Variants in LARGE1 observed in about 807,000 individuals in gnomAD.
The protein encoded by LARGE1 is LARGE xylosyl- and glucuronyltransferase 1, also known as xylosyl- and glucuronyltransferase LARGE1.
In LARGE1, 43 loss-of-function variants were observed where a neutral mutation model predicts 87.6. The observed-to-expected ratio is 0.49, with a 90% CI of 0.38 to 0.63. LARGE1 has a LOEUF of 0.63. Among genes scored for constraint, LARGE1 ranks in the 30% least tolerant of loss-of-function variants. LARGE1 has a pLI of 0.00. For missense variants in LARGE1, 802 were observed against 1,000.2 expected (o/e 0.80, Z 2.67); for synonymous variants, 434 against 394.6 (o/e 1.10, Z -1.18).
At chr22:33,802,030 C>A in intron 1 of LARGE1, among the ~76,000 whole-genome samples, 1 of 132,886 alleles carries the variant, frequency 7.5e-6, no homozygotes, top group Non-Finnish European at 1.7e-5. Context: ...ATAACTAACT[C>A]TGGAGAAAAA....
At chr22:33,615,680 A>T (rs1326238034) in intron 4 of LARGE1, among the ~76,000 whole-genome samples, 2 of 152,046 alleles carry the variant, frequency 1.3e-5, no homozygotes, top group African/African-American at 4.8e-5. Context: ...ACAAAAAAAA[A>T]AAAAAAAGGA....
chr22:33,346,280 C>G (rs1387864258), intron 9 of LARGE1, among the ~76,000 whole-genome samples: 2 of 96,880 alleles, frequency 2.1e-5, no homozygotes, highest in Non-Finnish European at 5.1e-5. Context: ...TCTTTCTTTC[C>G]TCCTCCTCCT....
At chr22:33,639,655 A>G (rs1277217657) in intron 3 of LARGE1, among the ~76,000 whole-genome samples, 2 of 152,246 alleles carry the variant, frequency 1.3e-5, no homozygotes, top group Non-Finnish European at 2.9e-5. Flanking sequence ...TCTCCTGTTC[A>G]GGAATTCTGA....
chr22:33,844,101 G>GA (rs1224697396), intron 1 of LARGE1, among the ~76,000 whole-genome samples: 2 of 147,174 alleles, frequency 1.4e-5, no homozygotes, highest in Non-Finnish European at 3.0e-5. Context: ...AAAAAGACAA[G>GA]AAAAAACCTC....
intron 11 of LARGE1, among the ~76,000 whole-genome samples, chr22:33,314,201 G>A (rs992793654): frequency 6.6e-6 from 1 of 152,100 alleles, no homozygotes; most frequent in African/African-American, 2.4e-5. Flanking sequence ...GTCCCATGCT[G>A]TCTTTACCTG....
intron 6 of LARGE1, among the ~76,000 whole-genome samples, chr22:33,452,357 G>A (rs2147929486): frequency 6.6e-6 from 1 of 152,308 alleles, no homozygotes; most frequent in East Asian, 1.9e-4. Context: ...CAGCTGAGGT[G>A]ACATTTGAGG....
At chr22:33,517,341 T>C (rs1445130075) in intron 6 of LARGE1, among the ~76,000 whole-genome samples, 1 of 152,058 alleles carries the variant, frequency 6.6e-6, no homozygotes, top group African/African-American at 2.4e-5. Flanking sequence ...AGGAAAGTTG[T>C]CCAATAAAAA....
chr22:33,771,498 C>T (rs77295117), intron 1 of LARGE1, among the ~76,000 whole-genome samples: 1 of 152,220 alleles, frequency 6.6e-6, no homozygotes, highest in Admixed American at 6.5e-5. Flanking sequence ...CTCTGAGATA[C>T]TTATTTCATA....
At chr22:33,564,764 A>C (rs1291171221) in intron 6 of LARGE1, 84 bp downstream of exon 6, 3 of 1,416,366 alleles carry the variant, frequency 2.1e-6, no homozygotes, top group Non-Finnish European at 3.0e-6. Flanking sequence ...AGGAGACCTC[A>C]CCTTTTTAAA....
At chr22:33,567,146 G>C (rs2078052028) in intron 5 of LARGE1, among the ~76,000 whole-genome samples, 2 of 152,184 alleles carry the variant, frequency 1.3e-5, no homozygotes, top group Non-Finnish European at 2.9e-5. Context: ...TGGGGAACCT[G>C]TCTCATAGCT....
intron 6 of LARGE1, among the ~76,000 whole-genome samples, chr22:33,433,784 G>A (rs1186537666): frequency 2.6e-5 from 4 of 152,112 alleles, no homozygotes; most frequent in African/African-American, 9.7e-5. Flanking sequence ...CCAAATGGAA[G>A]CCCATCCGCA....
chr22:33,915,643 T>A (rs528470454), intron 1 of LARGE1, among the ~76,000 whole-genome samples: 5 of 152,070 alleles, frequency 3.3e-5, no homozygotes, highest in African/African-American at 1.2e-4. Context: ...AAAGAAAAAA[T>A]TTTCTGTTTT....
rs1379371296 is a variant in LARGE1 at position 33,370,997 on chromosome 22, AAAAT to A, written c.1131+10918_1131+10921del. On this transcript the variant is annotated intron_variant, in intron 9 of 14. Transcript: ENST00000397394. ...CTACATAGTAAAATCTAAGAAATGT[AAAAT>A]AAAATGTATAATGAAATATAATATT... Among the ~76,000 whole-genome samples, 11 of 150,626 alleles carry A rather than the reference AAAAT, an allele frequency of 7.3e-5. No homozygotes were observed. In the East Asian group the frequency reaches 2.1e-3, roughly 29 times the overall value.
At chr22:33,585,722 T>A (rs1157020688) in intron 5 of LARGE1, among the ~76,000 whole-genome samples, 3 of 152,156 alleles carry the variant, frequency 2.0e-5, no homozygotes, top group African/African-American at 7.2e-5. Context: ...TCAGGTTATA[T>A]ATTAGATCAC....
At chr22:33,674,952 A>T (rs1210889391) in intron 2 of LARGE1, among the ~76,000 whole-genome samples, 1 of 151,898 alleles carries the variant, frequency 6.6e-6, no homozygotes, top group Non-Finnish European at 1.5e-5. Flanking sequence ...TGCAACATCC[A>T]GCATATAGTA....
chr22:33,577,274 G>A (rs2078382416), intron 5 of LARGE1, among the ~76,000 whole-genome samples: 1 of 152,062 alleles, frequency 6.6e-6, no homozygotes, highest in African/African-American at 2.4e-5. Flanking sequence ...ATAGGAGAGG[G>A]GAGTGATAAT....
At chr22:33,701,652 C>T (rs1301759766) in intron 2 of LARGE1, among the ~76,000 whole-genome samples, 2 of 152,194 alleles carry the variant, frequency 1.3e-5, no homozygotes, top group African/African-American at 2.4e-5. Flanking sequence ...AGGCCAAAAA[C>T]GGGGACACAT....
At chr22:33,738,188 C>T (rs1186067318) in intron 2 of LARGE1, among the ~76,000 whole-genome samples, 4 of 152,130 alleles carry the variant, frequency 2.6e-5, no homozygotes, top group Non-Finnish European at 5.9e-5. Context: ...AAGAAGATTG[C>T]TCGTGGAATG....
At chr22:33,509,744 G>A (rs139344814) in intron 6 of LARGE1, among the ~76,000 whole-genome samples, 14 of 152,272 alleles carry the variant, frequency 9.2e-5, no homozygotes, top group East Asian at 1.9e-4. Flanking sequence ...GTGCCATTGC[G>A]TCCAAGATTT....
Sources: allele counts gnomAD v4.1 joint callset (sites outside exome capture counted in the v4.1 genomes callset), GRCh38; gene constraint gnomAD v4.1.1; transcripts MANE v1.5; gene names NCBI Gene and HGNC (gene_info 2026-07-23, HGNC 2026-07-21).